CTIF: variants seen among roughly 807,000 people sequenced by gnomAD.
The protein encoded by CTIF is cap binding complex dependent translation initiation factor, also known as CBP80/20-dependent translation initiation factor.
Under a neutral mutation model 66.0 loss-of-function variants are expected in CTIF, and 21 were observed. The ratio of observed to expected loss-of-function variants is 0.32; its 90% confidence interval spans 0.23 to 0.46. CTIF has a LOEUF of 0.46. Among genes scored for constraint, CTIF ranks in the 20% least tolerant of loss-of-function variants. The pLI is 1.00. For missense variants in CTIF, 739 were observed against 812.7 expected (o/e 0.91, Z 1.10); for synonymous variants, 345 against 326.4 (o/e 1.06, Z -0.62).
At chr18:48,707,119 G>A (rs974452896) in intron 6 of CTIF, among the ~76,000 whole-genome samples, 3 of 152,220 alleles carry the variant, frequency 2.0e-5, no homozygotes, top group Non-Finnish European at 4.4e-5. Context: ...AGTGCAGGAG[G>A]TGGAGGGGAT....
At chr18:48,719,708 A>G (rs1196973199) in intron 7 of CTIF, among the ~76,000 whole-genome samples, 1 of 152,184 alleles carries the variant, frequency 6.6e-6, no homozygotes, top group African/African-American at 2.4e-5. Context: ...AGTATAAGCA[A>G]GCACCCTTCT....
chr18:48,843,422 C>T (rs1030105096), intron 10 of CTIF, among the ~76,000 whole-genome samples: 3 of 152,102 alleles, frequency 2.0e-5, no homozygotes, highest in South Asian at 2.1e-4. Context: ...GTGCCGCCTG[C>T]GAGCCAGGAG....
chr18:48,666,940 C>G (rs1371865100), intron 5 of CTIF, among the ~76,000 whole-genome samples: 1 of 152,142 alleles, frequency 6.6e-6, no homozygotes, highest in Non-Finnish European at 1.5e-5. Flanking sequence ...TGATGCTTGC[C>G]CAGTGTCCTG....
intron 2 of CTIF, among the ~76,000 whole-genome samples, chr18:48,633,309 CA>C (rs1319048151): frequency 6.6e-6 from 1 of 152,118 alleles, no homozygotes; most frequent in Non-Finnish European, 1.5e-5. Flanking sequence ...GAAACTACTC[CA>C]ATATATAAAG....
chr18:48,696,678 A>G (rs1345429237), intron 6 of CTIF, among the ~76,000 whole-genome samples: 1 of 152,204 alleles, frequency 6.6e-6, no homozygotes, highest in Non-Finnish European at 1.5e-5. Flanking sequence ...GGTTTTCAGC[A>G]TCTCATTTAA....
intron 10 of CTIF, among the ~76,000 whole-genome samples, chr18:48,828,240 A>ACTT (rs2068622431): frequency 6.6e-6 from 1 of 152,182 alleles, no homozygotes; most frequent in Non-Finnish European, 1.5e-5. Flanking sequence ...AAAACTCAAG[A>ACTT]GATTTCTAAA....
chr18:48,583,572 A>G (rs113444044), intron 1 of CTIF, among the ~76,000 whole-genome samples: 437 of 152,238 alleles, frequency 2.9e-3, no homozygotes, highest in African/African-American at 9.8e-3. Context: ...TGCTGTAATT[A>G]GTGTTTTAAT....
chr18:48,685,450 T>C (rs2091824298), intron 6 of CTIF, among the ~76,000 whole-genome samples: 1 of 152,074 alleles, frequency 6.6e-6, no homozygotes, highest in Non-Finnish European at 1.5e-5. Flanking sequence ...CTTGAATTCC[T>C]GACATCAGAT....
At chr18:48,805,902 C>CGAGCCAA (rs540905041) in intron 9 of CTIF, among the ~76,000 whole-genome samples, 446 of 152,354 alleles carry the variant, frequency 2.9e-3, no homozygotes, top group Non-Finnish European at 4.7e-3. Flanking sequence ...GGTCCACACA[C>CGAGCCAA]GTTCATTGAA....
At chr18:48,573,179 T>C (rs1180952300) in intron 1 of CTIF, among the ~76,000 whole-genome samples, 1 of 152,102 alleles carries the variant, frequency 6.6e-6, no homozygotes, top group African/African-American at 2.4e-5. Flanking sequence ...GCATTTGGGC[T>C]TCATTTCAGG....
At chr18:48,601,490 A>AGT (rs1356778891) in intron 1 of CTIF, among the ~76,000 whole-genome samples, 1 of 152,246 alleles carries the variant, frequency 6.6e-6, no homozygotes, top group Non-Finnish European at 1.5e-5. Flanking sequence ...AGGGAGAGTT[A>AGT]TATGAGTCTG....
At chr18:48,702,142 G>T (rs142506817) in intron 6 of CTIF, among the ~76,000 whole-genome samples, 1 of 152,178 alleles carries the variant, frequency 6.6e-6, no homozygotes, top group Non-Finnish European at 1.5e-5. Flanking sequence ...CTAGGATCCG[G>T]GTCACCCAAA....
At chr18:48,846,608 T>C (rs1190632923) in intron 10 of CTIF, among the ~76,000 whole-genome samples, 2 of 151,460 alleles carry the variant, frequency 1.3e-5, no homozygotes, top group East Asian at 3.9e-4. Flanking sequence ...AATGGATGGA[T>C]GGATGGATGA....
At chr18:48,568,633 T>TAAAAACAAAAAAAAAAAAAAAACAAAA (rs2089331886) in intron 1 of CTIF, among the ~76,000 whole-genome samples, 1 of 36,622 alleles carries the variant, frequency 2.7e-5, no homozygotes, top group Non-Finnish European at 6.0e-5. Context: ...GGGCAATTTG[T>TAAAAACAAAAAAAAAAAAAAAACAAAA]AAAAAAAAAA....
intron 9 of CTIF, among the ~76,000 whole-genome samples, chr18:48,766,261 C>G (rs917117940): frequency 1.3e-5 from 2 of 151,988 alleles, no homozygotes; most frequent in Non-Finnish European, 2.9e-5. Context: ...GCTTGAGATT[C>G]TGCGTTTCAA....
chr18:48,839,315 G>A (rs749005043), intron 10 of CTIF, among the ~76,000 whole-genome samples: 80 of 152,106 alleles, frequency 5.3e-4, no homozygotes, highest in Non-Finnish European at 3.5e-4. Context: ...CCTGGCTGTA[G>A]CTTCAAAGGT....
intron 10 of CTIF, among the ~76,000 whole-genome samples, chr18:48,817,973 G>C (rs1159547968): frequency 6.6e-6 from 1 of 152,230 alleles, no homozygotes; most frequent in Non-Finnish European, 1.5e-5. Context: ...CCTATGGTAA[G>C]TGTTGTCTCA....
intron 1 of CTIF, among the ~76,000 whole-genome samples, chr18:48,583,480 A>G (rs1031011182): frequency 6.6e-6 from 1 of 152,150 alleles, no homozygotes; most frequent in Admixed American, 6.5e-5. Flanking sequence ...AAGGAGTCGG[A>G]CTATTTTTAG....
intron 1 of CTIF, among the ~76,000 whole-genome samples, chr18:48,571,125 C>T (rs1355559082): frequency 1.3e-5 from 2 of 152,148 alleles, no homozygotes; most frequent in African/African-American, 2.4e-5. Context: ...TACCCCCTTC[C>T]GTCTTGCCTT....
Sources: gnomAD v4.1 joint callset for allele counts (sites outside exome capture counted in the v4.1 genomes callset) on GRCh38, gnomAD v4.1.1 for gene constraint, MANE v1.5 for transcripts, NCBI Gene and HGNC (gene_info 2026-07-23, HGNC 2026-07-21) for gene names.